The following SYT1 variants were observed in gnomAD, a reference collection of about 807,000 sequenced individuals.
SYT1 encodes synaptotagmin 1.
Under a neutral mutation model 44.8 loss-of-function variants are expected in SYT1, and 8 were observed. The ratio of observed to expected loss-of-function variants is 0.18; its 90% CI spans 0.10 to 0.32. The LOEUF (loss-of-function observed/expected upper bound fraction) is 0.32, where lower values mean the gene tolerates loss of function less well. Among genes scored for constraint, SYT1 ranks in the 10% least tolerant of loss-of-function variants. The probability of loss-of-function intolerance (pLI) is 1.00; values close to 1 mark genes in which losing one functional copy is unlikely to be tolerated. For missense variants in SYT1, 286 were observed against 509.3 expected (o/e 0.56, Z 4.22); for synonymous variants, 154 against 188.8 (o/e 0.82, Z 1.51).
intron 3 of SYT1, among the ~76,000 whole-genome samples, chr12:79,177,207 C>A (rs1442801948): frequency 1.1e-5 from 1 of 93,224 alleles, no homozygotes; most frequent in Admixed American, 1.2e-4. Context: ...TCCCCCGACC[C>A]CACCACAGTC....
chr12:79,356,393 C>T (rs992063446), intron 9 of SYT1, among the ~76,000 whole-genome samples: 2 of 152,030 alleles, frequency 1.3e-5, no homozygotes, highest in African/African-American at 2.4e-5. Flanking sequence ...TCCCACAATG[C>T]TCTCAGTGAT....
intron 6 of SYT1, among the ~76,000 whole-genome samples, chr12:79,292,533 T>C (rs986551267): frequency 1.3e-5 from 2 of 152,224 alleles, no homozygotes; most frequent in African/African-American, 4.8e-5. Context: ...GCCGCTATTC[T>C]AGCCAAATTT....
intron 9 of SYT1, among the ~76,000 whole-genome samples, chr12:79,372,243 T>C (rs971341008): frequency 6.6e-6 from 1 of 152,084 alleles, no homozygotes; most frequent in Admixed American, 6.5e-5. Flanking sequence ...CATGAAGAAA[T>C]TAAATTAAAT....
At chr12:79,333,259 G>A (rs1306700188) in intron 8 of SYT1, among the ~76,000 whole-genome samples, 1 of 152,116 alleles carries the variant, frequency 6.6e-6, no homozygotes. Context: ...CCGCTTACTG[G>A]CTCATGGTCT....
intron 1 of SYT1, among the ~76,000 whole-genome samples, chr12:78,887,581 T>G (rs1039487426): frequency 2.0e-5 from 3 of 151,910 alleles, no homozygotes; most frequent in Non-Finnish European, 4.4e-5. Context: ...TAGGCATAGT[T>G]TCAGGAATAC....
chr12:79,224,109 T>C (rs569329767), intron 4 of SYT1, among the ~76,000 whole-genome samples: 230 of 152,324 alleles, frequency 1.5e-3, no homozygotes, highest in Non-Finnish European at 2.7e-3. Flanking sequence ...TTCAAACTTA[T>C]GATTTTGTGG....
intron 3 of SYT1, among the ~76,000 whole-genome samples, chr12:79,141,359 A>T (rs767817961): frequency 2.5e-4 from 38 of 152,262 alleles, no homozygotes; most frequent in African/African-American, 8.9e-4. Context: ...TTGGAAATGT[A>T]CAAATAATGC....
At chr12:79,179,647 C>T (rs182916292) in intron 3 of SYT1, among the ~76,000 whole-genome samples, 6 of 151,156 alleles carry the variant, frequency 4.0e-5, no homozygotes, top group East Asian at 2.0e-4. Flanking sequence ...CTCAAACTCC[C>T]GACCTCAGGT....
chr12:79,365,808 G>A (rs1883515869), intron 9 of SYT1, among the ~76,000 whole-genome samples: 1 of 125,454 alleles, frequency 8.0e-6, no homozygotes, highest in African/African-American at 3.5e-5. Context: ...TAAAAAGACA[G>A]CCTAGACTGA....
chr12:79,421,852 G>T (rs1187778625), intron 9 of SYT1, among the ~76,000 whole-genome samples: 1 of 151,884 alleles, frequency 6.6e-6, no homozygotes, highest in African/African-American at 2.4e-5. Context: ...GTATTTCCTA[G>T]AACATGGTAT....
chr12:79,179,478 GAGATATAGATATATCTATATAGATAT>G (rs1343258812), intron 3 of SYT1, among the ~76,000 whole-genome samples: 3 of 17,978 alleles, frequency 1.7e-4, no homozygotes, highest in South Asian at 1.3e-3. Flanking sequence ...TATAGATATA[GAGATATAGATATATCTATATAGATAT>G]AGATATAGAT....
At chr12:79,097,563 T>C (rs1878209672) in intron 3 of SYT1, among the ~76,000 whole-genome samples, 1 of 151,930 alleles carries the variant, frequency 6.6e-6, no homozygotes, top group South Asian at 2.1e-4. Context: ...TAGCAGCTGG[T>C]ATCACTATAA....
intron 3 of SYT1, among the ~76,000 whole-genome samples, chr12:79,102,628 C>T (rs2138057639): frequency 6.6e-6 from 1 of 152,322 alleles, no homozygotes; most frequent in South Asian, 2.1e-4. Context: ...ACTGTATCTC[C>T]AGTGTCACAG....
At chr12:79,103,714 G>C (rs1367941860) in intron 3 of SYT1, among the ~76,000 whole-genome samples, 1 of 151,302 alleles carries the variant, frequency 6.6e-6, no homozygotes, top group Admixed American at 6.6e-5. Context: ...TGACCTCTTA[G>C]TGTCCAACTC....
intron 1 of SYT1, among the ~76,000 whole-genome samples, chr12:78,931,440 A>C (rs1174459107): frequency 6.8e-6 from 1 of 147,698 alleles, no homozygotes; most frequent in Non-Finnish European, 1.5e-5. Flanking sequence ...AGGAAAAGAA[A>C]GAAATAGAGA....
chr12:78,904,919 C>G (rs1040632125), intron 1 of SYT1, among the ~76,000 whole-genome samples: 1 of 152,008 alleles, frequency 6.6e-6, no homozygotes, highest in African/African-American at 2.4e-5. Flanking sequence ...TCACTTAAAT[C>G]CATTTAATAG....
intron 8 of SYT1, among the ~76,000 whole-genome samples, chr12:79,326,814 C>G (rs186226907): frequency 6.6e-6 from 1 of 152,286 alleles, no homozygotes. Context: ...GCATATACCT[C>G]CTGCAAATAG....
rs1401821413 is a variant in SYT1, at chr12:79,212,436, A to G, written c.-17-5067A>G. ...GTGGTGCTTAAAACCACCACAGCACATGTATACCTATGTAACAAACCTGCA... is the reference window on the plus strand; with the variant it reads ...GTGGTGCTTAAAACCACCACAGCACGTGTATACCTATGTAACAAACCTGCA... On this transcript the variant is annotated intron_variant, in intron 3 of 10. Coordinates refer to ENST00000261205, the MANE Select transcript of SYT1 (RefSeq NM_005639.3). Among the ~76,000 whole-genome samples, 5 of 151,594 alleles carry G rather than the reference A, an allele frequency of 3.3e-5. No individual in the cohort carries two copies. In the East Asian group the frequency reaches 9.7e-4, roughly 29 times the overall value.
At chr12:79,448,886 A>T in intron 10 of SYT1, 32 bp from the exon 11 acceptor site, 1 of 1,606,374 alleles carries the variant, frequency 6.2e-7, no homozygotes. Flanking sequence ...CTAGAGCTAG[A>T]TGATTCATAT....
Sources: allele counts gnomAD v4.1 joint callset (sites outside exome capture counted in the v4.1 genomes callset), GRCh38; gene constraint gnomAD v4.1.1; transcripts MANE v1.5; gene names NCBI Gene and HGNC (gene_info 2026-07-23, HGNC 2026-07-21).